Variants in HTR2C observed in about 807,000 individuals in gnomAD.
HTR2C encodes 5-hydroxytryptamine (serotonin) receptor 2C, G protein-coupled.
HTR2C carries 5 observed loss-of-function variants against 21.0 expected under a neutral mutation model. That is an observed-to-expected ratio of 0.24 (90% CI 0.12 to 0.50). HTR2C has a LOEUF of 0.50. Ranked by LOEUF, HTR2C falls within the 20% of genes least tolerant of loss-of-function variation. The pLI is 0.98. For missense variants in HTR2C, 271 were observed against 371.2 expected, an observed-to-expected ratio of 0.73 and a Z score of 2.22; for synonymous variants, 150 against 145.3, an observed-to-expected ratio of 1.03 and a Z score of -0.23.
At chrX:114,656,657 A>G (rs1338517561) in intron 2 of HTR2C, among the ~76,000 whole-genome samples, 1 of 111,045 alleles carries the variant, frequency 9.0e-6, no homozygotes, top group Non-Finnish European at 1.9e-5. Flanking sequence ...TTTTTCTGGA[A>G]TAGGTTTTAT....
intron 5 of HTR2C, among the ~76,000 whole-genome samples, chrX:114,890,727 C>T: frequency 9.0e-6 from 1 of 111,645 alleles, no homozygotes; most frequent in Non-Finnish European, 1.9e-5. Flanking sequence ...TAATTGTTTC[C>T]TCATATGAAA....
chrX:114,628,424 T>TTC (rs1929473915), intron 2 of HTR2C, among the ~76,000 whole-genome samples: 1 of 93,361 alleles, frequency 1.1e-5, no homozygotes, highest in African/African-American at 4.0e-5. Flanking sequence ...TTTTTTTTTT[T>TTC]TTTTTTGCAT....
intron 2 of HTR2C, among the ~76,000 whole-genome samples, chrX:114,656,949 G>T (rs1160224714): frequency 1.8e-5 from 2 of 110,662 alleles, no homozygotes; most frequent in African/African-American, 6.5e-5. Context: ...ACTTGGCAAA[G>T]CAAATGTATA....
intron 4 of HTR2C, among the ~76,000 whole-genome samples, chrX:114,830,725 T>C (rs1046305788): frequency 9.3e-5 from 10 of 108,100 alleles, no homozygotes; most frequent in Middle Eastern, 4.7e-3. Flanking sequence ...CTTTAAGTTT[T>C]AGTGTACATG....
intron 2 of HTR2C, among the ~76,000 whole-genome samples, chrX:114,652,417 A>G (rs180804332): frequency 6.8e-4 from 76 of 111,072 alleles, no homozygotes; most frequent in African/African-American, 2.4e-3. Context: ...AGTCCAAAAC[A>G]TGAATAAGAA....
chrX:114,700,615 C>T (rs1932434656), intron 2 of HTR2C, among the ~76,000 whole-genome samples: 1 of 112,541 alleles, frequency 8.9e-6, no homozygotes, highest in African/African-American at 3.2e-5. Flanking sequence ...CAGTCTACAG[C>T]TCCCAGCCTG....
intron 4 of HTR2C, among the ~76,000 whole-genome samples, chrX:114,733,413 A>T (rs79537188): frequency 6.6e-5 from 7 of 106,644 alleles, no homozygotes; most frequent in African/African-American, 2.4e-4. Context: ...CCATAAAAAA[A>T]TTTAAAAAAA....
Position 114,634,911 on chromosome X carries a change from G to A in HTR2C, c.-80+21030G>A, listed in dbSNP as rs189997329. Among the ~76,000 whole-genome samples the A allele has an allele frequency of 3.5e-3, 393 of 112,124 alleles. 4 individuals carry two copies. Among genetic ancestry groups the A allele is most frequent in the African/African-American group, 0.012 (378 of 30,930 alleles). On this transcript the variant is annotated intron_variant, in intron 2 of 5. Transcript: ENST00000276198. ...TTTCATTCAGTGTAATCTGTAAATT[G>A]AAACAATATCCCATAGTTGGACAAC...
At chrX:114,588,024 C>T (rs1282202565) in intron 1 of HTR2C, among the ~76,000 whole-genome samples, 1 of 112,428 alleles carries the variant, frequency 8.9e-6, no homozygotes, top group East Asian at 2.8e-4. Flanking sequence ...GTTTTTGTCT[C>T]CTACCTGGCA....
At chrX:114,863,050 C>A (rs781926200) in intron 5 of HTR2C, among the ~76,000 whole-genome samples, 2 of 111,297 alleles carry the variant, frequency 1.8e-5, no homozygotes, top group African/African-American at 3.2e-5. Flanking sequence ...AATAATATTC[C>A]AATTGTTGTA....
intron 2 of HTR2C, among the ~76,000 whole-genome samples, chrX:114,693,830 G>A (rs1360291583): frequency 8.9e-6 from 1 of 111,784 alleles, no homozygotes; most frequent in Non-Finnish European, 1.9e-5. Context: ...GGGAAGAACA[G>A]GGATTATGAT....
At chrX:114,906,538 G>C (rs782307054) in intron 5 of HTR2C, 51 bp from the exon 6 acceptor site, 5 of 899,077 alleles carry the variant, frequency 5.6e-6, no homozygotes, top group Non-Finnish European at 7.9e-6. Flanking sequence ...GAATACATCT[G>C]TTCAGTCCTT....
intron 2 of HTR2C, among the ~76,000 whole-genome samples, chrX:114,704,893 A>T (rs1205167234): frequency 9.4e-6 from 1 of 106,617 alleles, no homozygotes; most frequent in Non-Finnish European, 1.9e-5. Context: ...AAAAATCACA[A>T]GCATTCTTAT....
intron 4 of HTR2C, among the ~76,000 whole-genome samples, chrX:114,800,960 C>T (rs1297146953): frequency 9.0e-6 from 1 of 111,213 alleles, no homozygotes; most frequent in African/African-American, 3.3e-5. Flanking sequence ...GAACTCAAGA[C>T]AGTCTATGAA....
intron 4 of HTR2C, among the ~76,000 whole-genome samples, chrX:114,833,492 G>C (rs782288661): frequency 9.0e-6 from 1 of 111,477 alleles, no homozygotes; most frequent in East Asian, 2.8e-4. Flanking sequence ...TTGCGTAGAG[G>C]TGTTTGTAGT....
chrX:114,771,426 A>C, intron 4 of HTR2C, among the ~76,000 whole-genome samples: 1 of 111,949 alleles, frequency 8.9e-6, no homozygotes. Flanking sequence ...TATTCTGTTA[A>C]ATGCTATGAG....
intron 5 of HTR2C, among the ~76,000 whole-genome samples, chrX:114,896,264 A>G (rs1556484080): frequency 8.9e-6 from 1 of 112,072 alleles, no homozygotes; most frequent in Non-Finnish European, 1.9e-5. Context: ...AATTATTGAG[A>G]GATATTTTAT....
chrX:114,783,860 T>C (rs188904736), intron 4 of HTR2C, among the ~76,000 whole-genome samples: 219 of 110,181 alleles, frequency 2.0e-3, no homozygotes, highest in Non-Finnish European at 2.4e-3. Context: ...ATATTGAAAA[T>C]TAGAAAAATT....
chrX:114,889,974 CTGA>C (rs782479092), intron 5 of HTR2C, among the ~76,000 whole-genome samples: 40 of 111,465 alleles, frequency 3.6e-4, no homozygotes, highest in African/African-American at 1.1e-3. Flanking sequence ...TTTTATAGTT[CTGA>C]TGATGTTGAA....
Sources: gnomAD v4.1 joint callset for allele counts (sites outside exome capture counted in the v4.1 genomes callset) on GRCh38, gnomAD v4.1.1 for gene constraint, MANE v1.5 for transcripts, NCBI Gene and HGNC (gene_info 2026-07-23, HGNC 2026-07-21) for gene names.